Variants in ETS1 observed in about 807,000 individuals in gnomAD.
ETS1 encodes the protein protein C-ets-1.
Under a neutral mutation model 58.6 loss-of-function variants are expected in ETS1, and 15 were observed. The ratio of observed to expected loss-of-function variants is 0.26; its 90% CI spans 0.17 to 0.39. The LOEUF (loss-of-function observed/expected upper bound fraction) is 0.39. Ranked by LOEUF, ETS1 falls within the 10% of genes least tolerant of loss-of-function variation. ETS1 has a pLI of 1.00. For synonymous variants in ETS1, 214 were observed against 218.2 expected (o/e 0.98, Z 0.17); for missense variants, 417 against 610.5 (o/e 0.68, Z 3.34).
chr11:128,499,301 C>G (rs1863024883), intron 3 of ETS1, among the ~76,000 whole-genome samples: 1 of 152,200 alleles, frequency 6.6e-6, no homozygotes, highest in East Asian at 1.9e-4. Context: ...TTGGGCTAAC[C>G]AATTTATTTT....
intron 1 of ETS1, among the ~76,000 whole-genome samples, chr11:128,585,182 GAAA>G (rs1233986965): frequency 3.2e-5 from 1 of 31,412 alleles, no homozygotes; most frequent in Non-Finnish European, 5.5e-5. Flanking sequence ...AAGAAAGAAA[GAAA>G]GAAGGAAGGA....
chr11:128,508,230 G>A (rs1863294956), intron 3 of ETS1, among the ~76,000 whole-genome samples: 1 of 152,170 alleles, frequency 6.6e-6, no homozygotes, highest in African/African-American at 2.4e-5. Flanking sequence ...ATGAACTTTT[G>A]TACAGAATTT....
At chr11:128,511,574 C>T (rs1373399923) in intron 3 of ETS1, among the ~76,000 whole-genome samples, 1 of 152,272 alleles carries the variant, frequency 6.6e-6, no homozygotes, top group African/African-American at 2.4e-5. Flanking sequence ...ACCAGTGCTA[C>T]CTGCTCAAAG....
chr11:128,566,961 G>C (rs2135571169), intron 2 of ETS1, among the ~76,000 whole-genome samples: 1 of 152,270 alleles, frequency 6.6e-6, no homozygotes, highest in South Asian at 2.1e-4. Flanking sequence ...AGGTGCGTTG[G>C]CTTCTGCCTC....
intron 5 of ETS1, among the ~76,000 whole-genome samples, chr11:128,486,538 A>C (rs1010835669): frequency 2.0e-5 from 3 of 152,132 alleles, no homozygotes; most frequent in African/African-American, 7.2e-5. Context: ...CAAACTAATC[A>C]ATTTCAAAAT....
At chr11:128,479,669 G>A (rs571823120) in intron 8 of ETS1, among the ~76,000 whole-genome samples, 2 of 152,254 alleles carry the variant, frequency 1.3e-5, no homozygotes, top group South Asian at 2.1e-4. Context: ...ATTCTCTATA[G>A]GCCAGGATGG....
At chr11:128,493,607 T>C (rs1296322655) in intron 3 of ETS1, among the ~76,000 whole-genome samples, 2 of 152,224 alleles carry the variant, frequency 1.3e-5, no homozygotes, top group African/African-American at 4.8e-5. Context: ...CATTTGGACT[T>C]GATCAGCTCC....
chr11:128,465,204 T>G (rs1267851451), intron 8 of ETS1, among the ~76,000 whole-genome samples: 1 of 152,196 alleles, frequency 6.6e-6, no homozygotes, highest in Non-Finnish European at 1.5e-5. Flanking sequence ...ATGAAATAGC[T>G]CTACCTCCTC....
At chr11:128,476,800 G>C (rs1240906687) in intron 8 of ETS1, among the ~76,000 whole-genome samples, 1 of 152,258 alleles carries the variant, frequency 6.6e-6, no homozygotes, top group East Asian at 1.9e-4. Flanking sequence ...GTATCAGTTT[G>C]ATAACCGTAA....
chr11:128,491,511 C>T (rs1862798655), intron 3 of ETS1, among the ~76,000 whole-genome samples: 1 of 152,182 alleles, frequency 6.6e-6, no homozygotes, highest in African/African-American at 2.4e-5. Context: ...GTGAAGGATG[C>T]ATGAGAATTT....
At chr11:128,493,269 G>C (rs919352520) in intron 3 of ETS1, among the ~76,000 whole-genome samples, 1 of 152,200 alleles carries the variant, frequency 6.6e-6, no homozygotes, top group African/African-American at 2.4e-5. Context: ...GAAGTTCCTT[G>C]AGTCTGCCTC....
At chr11:128,467,396 G>A (rs1329699866) in intron 8 of ETS1, among the ~76,000 whole-genome samples, 6 of 152,190 alleles carry the variant, frequency 3.9e-5, no homozygotes, top group Non-Finnish European at 7.3e-5. Flanking sequence ...CAATGAATGA[G>A]TCCAGCACTC....
intron 3 of ETS1, among the ~76,000 whole-genome samples, chr11:128,525,742 GCTTA>G (rs1863789159): frequency 6.6e-6 from 1 of 151,740 alleles, no homozygotes; most frequent in Non-Finnish European, 1.5e-5. Flanking sequence ...AGCTTTGAAA[GCTTA>G]CTTCTAAGGC....
rs1384590419 is a variant in ETS1, at chr11:128,529,549, T to C, written c.214+26742A>G. Among the ~76,000 whole-genome samples the C allele has an allele frequency of 2.0e-5, 3 of 152,228 alleles. No homozygotes were observed. In the East Asian group the frequency reaches 5.8e-4, roughly 29 times the overall value. The stretch of plus-strand genomic sequence containing the variant: ...TTGGAACAGAAAAGGCAGCTGATCT[T>C]AAAGCCTAAAAACCAAGGAAATATT... On this transcript the variant is annotated intron_variant, in intron 3 of 9. Transcript: ENST00000392668.
chr11:128,543,442 T>C (rs1287817498), intron 3 of ETS1, among the ~76,000 whole-genome samples: 1 of 152,038 alleles, frequency 6.6e-6, no homozygotes, highest in Non-Finnish European at 1.5e-5. Context: ...GACATAGACA[T>C]TGGGAAGTTT....
chr11:128,528,264 C>G (rs1342044646), intron 3 of ETS1, among the ~76,000 whole-genome samples: 1 of 152,084 alleles, frequency 6.6e-6, no homozygotes, highest in African/African-American at 2.4e-5. Flanking sequence ...GAAAACAGAT[C>G]AATGGGAGGT....
intron 3 of ETS1, among the ~76,000 whole-genome samples, chr11:128,513,855 C>T (rs1397325146): frequency 1.3e-5 from 2 of 152,082 alleles, no homozygotes; most frequent in Non-Finnish European, 2.9e-5. Flanking sequence ...AGTTTAAGAC[C>T]AGCCTGGGCA....
At chr11:128,510,298 G>C (rs1863358423) in intron 3 of ETS1, among the ~76,000 whole-genome samples, 1 of 152,194 alleles carries the variant, frequency 6.6e-6, no homozygotes, top group African/African-American at 2.4e-5. Flanking sequence ...AAGAAAGGCA[G>C]CTCACTCACT....
Position 128,463,456 on chromosome 11 carries a change from A to G in ETS1, c.1242+53T>C, listed in dbSNP as rs1861954958. On this transcript the variant is annotated intron_variant, in intron 9 of 9. Coordinates refer to ENST00000392668, the MANE Select transcript of ETS1 (RefSeq NM_001143820.2). The surrounding 1 kb of genome is among the most constrained non-coding windows in gnomAD (Gnocchi z 4.1). ...TCAGGCCCACGCCACCCCTTCCAGGAGTTTTCTCTCATCCTTCCTCAACAC... is the reference window on the plus strand; with the variant it reads ...TCAGGCCCACGCCACCCCTTCCAGGGGTTTTCTCTCATCCTTCCTCAACAC... 1 of 1,039,044 alleles carries G rather than the reference A, an allele frequency of 9.6e-7. No individual in the cohort carries two copies. The highest frequency in any genetic ancestry group is 1.6e-5 in the African/African-American group (1 of 63,854). The allele number at this position is 1,039,044 out of a possible 1,614,324, so 64.4% of individuals were successfully genotyped here. A position where few individuals can be genotyped will look rare whatever the true frequency, so the allele number is the denominator to read the frequency against.
Sources: allele counts gnomAD v4.1 joint callset (sites outside exome capture counted in the v4.1 genomes callset), GRCh38; gene constraint gnomAD v4.1.1; non-coding constraint Gnocchi (gnomAD v3.1); transcripts MANE v1.5; gene names NCBI Gene and HGNC (gene_info 2026-07-23, HGNC 2026-07-21).